L3MBTL4: variants seen among roughly 807,000 people sequenced by gnomAD.
The protein encoded by L3MBTL4 is L3MBTL histone methyl-lysine binding protein 4, also known as lethal(3)malignant brain tumor-like protein 4.
L3MBTL4 carries 70 observed loss-of-function variants against 84.5 expected under a neutral mutation model. That is an observed-to-expected ratio of 0.83 (90% CI 0.68 to 1.01). The LOEUF is 1.01. Ranked by LOEUF, L3MBTL4 falls within the 50% of genes least tolerant of loss-of-function variation. L3MBTL4 has a pLI of 0.00. For missense variants in L3MBTL4, 715 were observed against 754.8 expected (o/e 0.95, Z 0.62); for synonymous variants, 274 against 259.8 (o/e 1.05, Z -0.52).
At chr18:6,135,643 T>C (rs552100870) in intron 14 of L3MBTL4, among the ~76,000 whole-genome samples, 1 of 152,288 alleles carries the variant, frequency 6.6e-6, no homozygotes, top group Non-Finnish European at 1.5e-5. Context: ...TCACCTTTGC[T>C]CCAGTTCCCA....
intron 1 of L3MBTL4, among the ~76,000 whole-genome samples, chr18:6,390,187 C>A (rs995620067): frequency 1.3e-5 from 2 of 152,026 alleles, no homozygotes; most frequent in Admixed American, 1.3e-4. Context: ...CATATACACA[C>A]ACACACATAT....
chr18:6,215,176 C>T (rs992001046), intron 11 of L3MBTL4, among the ~76,000 whole-genome samples: 2 of 151,996 alleles, frequency 1.3e-5, no homozygotes, highest in African/African-American at 2.4e-5. Flanking sequence ...GTTTGAAAAC[C>T]GCTGGTTTAG....
intron 4 of L3MBTL4, among the ~76,000 whole-genome samples, chr18:6,293,334 A>G (rs941434570): frequency 2.0e-5 from 3 of 152,170 alleles, no homozygotes; most frequent in African/African-American, 7.2e-5. Context: ...AGAGTTCAAG[A>G]TAAGCCTAAA....
chr18:6,030,433 C>A (rs1390424537), intron 16 of L3MBTL4: 1 of 984,246 alleles, frequency 1.0e-6, no homozygotes, highest in Non-Finnish European at 1.2e-6. Context: ...CTGACTTTAT[C>A]ATCAGGTATT....
chr18:6,187,921 G>A (rs537001758), intron 12 of L3MBTL4, among the ~76,000 whole-genome samples: 1 of 149,648 alleles, frequency 6.7e-6, no homozygotes, highest in South Asian at 2.1e-4. Context: ...TGTAGTGAGA[G>A]CTAAACATAA....
intron 9 of L3MBTL4, 22 bp downstream of exon 9, chr18:6,239,696 A>G: frequency 6.2e-7 from 1 of 1,607,772 alleles, no homozygotes; most frequent in Non-Finnish European, 8.5e-7. Context: ...ACACAAAAAT[A>G]AAACACACAT....
intron 17 of L3MBTL4, among the ~76,000 whole-genome samples, chr18:5,960,464 G>T (rs376324328): frequency 5.3e-5 from 8 of 152,168 alleles, no homozygotes; most frequent in African/African-American, 1.7e-4. Context: ...ACTCCCCCAT[G>T]GGGTCAGTGA....
At chr18:6,351,424 G>A (rs1421111767) in intron 1 of L3MBTL4, among the ~76,000 whole-genome samples, 1 of 152,156 alleles carries the variant, frequency 6.6e-6, no homozygotes, top group Non-Finnish European at 1.5e-5. Flanking sequence ...TGACAAAAAA[G>A]TTCTGGAGGT....
intron 16 of L3MBTL4, among the ~76,000 whole-genome samples, chr18:6,016,668 C>G (rs1199208716): frequency 6.6e-6 from 1 of 152,192 alleles, no homozygotes; most frequent in African/African-American, 2.4e-5. Flanking sequence ...TATTATACCA[C>G]TCTGCATGCT....
chr18:6,374,569 C>T (rs2054289354), intron 1 of L3MBTL4: 1 of 154,706 alleles, frequency 6.5e-6, no homozygotes, highest in South Asian at 2.0e-4. Context: ...AGCAAATGAC[C>T]TCTTCCATGA....
At chr18:6,122,101 T>C (rs2059549538) in intron 14 of L3MBTL4, among the ~76,000 whole-genome samples, 1 of 152,164 alleles carries the variant, frequency 6.6e-6, no homozygotes, top group African/African-American at 2.4e-5. Context: ...TTTTAATTCA[T>C]AAAATAGAAA....
chr18:5,983,703 A>G (rs1314534100), intron 16 of L3MBTL4, among the ~76,000 whole-genome samples: 1 of 152,274 alleles, frequency 6.6e-6, no homozygotes, highest in East Asian at 1.9e-4. Flanking sequence ...ACGGAACACA[A>G]TGGCAGTGAT....
At chr18:6,032,283 T>TAAA in intron 16 of L3MBTL4, 2 of 914,978 alleles carry the variant, frequency 2.2e-6, no homozygotes, top group Non-Finnish European at 1.3e-6. Flanking sequence ...GGCCTTAAAT[T>TAAA]AAAAAAAAAA....
At chr18:6,315,811 C>T (rs1466068918) in intron 1 of L3MBTL4, among the ~76,000 whole-genome samples, 1 of 152,198 alleles carries the variant, frequency 6.6e-6, no homozygotes, top group Non-Finnish European at 1.5e-5. Context: ...TGTCACTTTC[C>T]TTATGTCATG....
At chr18:6,386,878 G>A (rs2054843405) in intron 1 of L3MBTL4, among the ~76,000 whole-genome samples, 1 of 152,272 alleles carries the variant, frequency 6.6e-6, no homozygotes, top group Non-Finnish European at 1.5e-5. Context: ...AGACTAAAGG[G>A]TTAGGAAGAG....
intron 1 of L3MBTL4, among the ~76,000 whole-genome samples, chr18:6,333,888 T>C (rs2052183787): frequency 6.6e-6 from 1 of 152,204 alleles, no homozygotes; most frequent in Admixed American, 6.5e-5. Context: ...TTTCTCTCCA[T>C]TCTGTCTGCA....
At chr18:6,154,376 G>T (rs2043015233) in intron 13 of L3MBTL4, among the ~76,000 whole-genome samples, 1 of 152,082 alleles carries the variant, frequency 6.6e-6, no homozygotes, top group Non-Finnish European at 1.5e-5. Context: ...ATAGAATGGA[G>T]TTCTACCATA....
At chr18:6,262,758 C>T (rs143511624) in intron 5 of L3MBTL4, among the ~76,000 whole-genome samples, 54 of 152,300 alleles carry the variant, frequency 3.5e-4, no homozygotes, top group African/African-American at 1.3e-3. Flanking sequence ...GTTAGTGAAG[C>T]ATACCACCTA....
intron 16 of L3MBTL4, chr18:6,032,417 A>ACAC: frequency 2.6e-6 from 1 of 381,542 alleles, no homozygotes; most frequent in Non-Finnish European, 3.4e-6. Context: ...CACACACACA[A>ACAC]TCTGCATCAA....
Sources: allele counts gnomAD v4.1 joint callset (sites outside exome capture counted in the v4.1 genomes callset), GRCh38; gene constraint gnomAD v4.1.1; transcripts MANE v1.5; gene names NCBI Gene and HGNC (gene_info 2026-07-23, HGNC 2026-07-21).